Variants in NF1 observed in about 807,000 individuals in gnomAD.
The protein encoded by NF1 is neurofibromin 1.
In NF1, 122 loss-of-function variants were observed where a neutral mutation model predicts 325.7. The observed-to-expected ratio is 0.37, with a 90% confidence interval of 0.32 to 0.44. The LOEUF (loss-of-function observed/expected upper bound fraction) is 0.44. Ranked by LOEUF, NF1 falls within the 20% of genes least tolerant of loss-of-function variation. The probability of loss-of-function intolerance (pLI) is 1.00; values close to 1 mark genes in which losing one functional copy is unlikely to be tolerated. For missense variants in NF1, 2,140 were observed against 3,415.4 expected (o/e 0.63, Z 9.31); for synonymous variants, 1,091 against 1,186.0 (o/e 0.92, Z 1.65).
chr17:31,208,809 T>G (rs1289949026), intron 12 of NF1, among the ~76,000 whole-genome samples: 1 of 152,036 alleles, frequency 6.6e-6, no homozygotes, highest in African/African-American at 2.4e-5. Flanking sequence ...AAGAATCGCT[T>G]GAACCTGGGA....
At chr17:31,244,085 G>C (rs1304279878) in intron 29 of NF1, among the ~76,000 whole-genome samples, 1 of 152,042 alleles carries the variant, frequency 6.6e-6, no homozygotes, top group African/African-American at 2.4e-5. Context: ...TTTCCTTCTG[G>C]CCCAGGGTTT....
intron 5 of NF1, among the ~76,000 whole-genome samples, chr17:31,177,565 C>T (rs1399172015): frequency 6.6e-6 from 1 of 151,912 alleles, no homozygotes; most frequent in Non-Finnish European, 1.5e-5. Context: ...TAATAACAAA[C>T]TCCTCCAAGC....
chr17:31,152,998 C>T (rs968213056), intron 1 of NF1, among the ~76,000 whole-genome samples: 5 of 151,648 alleles, frequency 3.3e-5, no homozygotes, highest in Non-Finnish European at 7.4e-5. Flanking sequence ...AGAGCTTATT[C>T]TTTTTTTACT....
At chr17:31,249,254 G>A (rs749588036) in intron 30 of NF1, 135 bp downstream of exon 30, 24 of 1,036,792 alleles carry the variant, frequency 2.3e-5, no homozygotes, top group Non-Finnish European at 3.6e-5. Flanking sequence ...ATAATACATT[G>A]AGAATTGTTG....
chr17:31,286,949 T>C (rs1470959494), intron 36 of NF1, among the ~76,000 whole-genome samples: 1 of 152,254 alleles, frequency 6.6e-6, no homozygotes, highest in African/African-American at 2.4e-5. Flanking sequence ...GCATTCAGTA[T>C]GTTTCAACTG....
intron 36 of NF1, chr17:31,320,306 G>C: frequency 7.6e-7 from 1 of 1,316,992 alleles, no homozygotes; most frequent in Non-Finnish European, 1.0e-6. Flanking sequence ...GTATGCTATA[G>C]AAATTCTTCT....
chr17:31,130,446 G>A (rs1318423436), intron 1 of NF1, among the ~76,000 whole-genome samples: 1 of 152,228 alleles, frequency 6.6e-6, no homozygotes, highest in East Asian at 1.9e-4. Context: ...CAGCAACAGT[G>A]GCAGTAAGGC....
At chr17:31,191,152 A>G (rs1488949549) in intron 8 of NF1, among the ~76,000 whole-genome samples, 8 of 152,238 alleles carry the variant, frequency 5.3e-5, no homozygotes, top group Non-Finnish European at 8.8e-5. Flanking sequence ...GAATGATAAC[A>G]TAAGGTTAGG....
In NF1 at chr17:31,258,416, CCT is replaced by C. The variant is rs1351377493; in HGVS notation, c.4247_4248del (p.Pro1416ArgfsTer7). On this transcript the variant is annotated frameshift_variant, in exon 32 of 58. Transcript: ENST00000358273. LOFTEE classifies it high-confidence loss of function. ...GSAMFLRFINPAIVSPYEAGI... is the reference protein window; with the variant it reads ...GSAMFLRFINXAIVSPYEAGI... ...TGCCATGTTCCTCAGATTTATCAAT[CCT>C]GCCATTGTCTCACCGTATGAAGCAG... 1 of 1,613,900 alleles carries C rather than the reference CCT, an allele frequency of 6.2e-7. No individual in the cohort carries two copies. The highest frequency in any genetic ancestry group is 8.5e-7 in the Non-Finnish European group (1 of 1,179,938).
At chr17:31,302,486 A>G (rs1214452824) in intron 36 of NF1, among the ~76,000 whole-genome samples, 1 of 152,216 alleles carries the variant, frequency 6.6e-6, no homozygotes, top group Non-Finnish European at 1.5e-5. Context: ...AATTCGTAAA[A>G]TTAAAAAGAA....
rs202013595 is a variant in NF1 at position 31,239,324 on chromosome 17, GAAGA to G, written c.3974+3309_3974+3312del. 9.4e-3 allele frequency among the ~76,000 whole-genome samples: 1,437 copies of G among 152,314 alleles called. 21 individuals carry two copies. Among genetic ancestry groups the G allele is most frequent in the African/African-American group, 0.033 (1,353 of 41,566 alleles). ...GCTTATCAGTAGTCTGGGCACCACT[GAAGA>G]AAGAATTGGTGAATTTGTAGTTATA... On this transcript the variant is annotated intron_variant, in intron 29 of 57. Transcript: ENST00000358273.
At chr17:31,370,143 CTAAG>C (rs2070606410) in intron 57 of NF1, among the ~76,000 whole-genome samples, 1 of 151,812 alleles carries the variant, frequency 6.6e-6, no homozygotes, top group South Asian at 2.1e-4. Context: ...AGTTGGGTCA[CTAAG>C]TAGGAAGAAA....
At chr17:31,197,344 C>CTTTTTT (rs61619278) in intron 8 of NF1, among the ~76,000 whole-genome samples, 1 of 99,296 alleles carries the variant, frequency 1.0e-5, no homozygotes, top group East Asian at 2.7e-4. Flanking sequence ...CCGCGCCTGG[C>CTTTTTT]TTTTTTTTTT....
intron 57 of NF1, among the ~76,000 whole-genome samples, chr17:31,373,799 G>C (rs568489770): frequency 6.6e-6 from 1 of 152,264 alleles, no homozygotes; most frequent in Middle Eastern, 3.4e-3. Flanking sequence ...CAGGTTTGTT[G>C]CCTGGGAGAA....
intron 35 of NF1, among the ~76,000 whole-genome samples, chr17:31,263,198 T>C (rs1447889215): frequency 6.6e-6 from 1 of 152,148 alleles, no homozygotes; most frequent in Non-Finnish European, 1.5e-5. Flanking sequence ...CCCAGCATTT[T>C]GGGAGGCCAA....
chr17:31,338,582 T>C, intron 45 of NF1, 122 bp from the exon 46 acceptor site: 1 of 718,722 alleles, frequency 1.4e-6, no homozygotes, highest in Non-Finnish European at 2.5e-6. Context: ...CACCATAGCA[T>C]GAGAAATCAT....
rs759661081 is a variant in NF1, at chr17:31,356,592, A to G, written c.7738+10A>G. 2 of 1,613,562 alleles carry G rather than the reference A, an allele frequency of 1.2e-6. No individual in the cohort carries two copies. The highest frequency in any genetic ancestry group is 1.7e-6 in the Non-Finnish European group (2 of 1,179,642). ...ACTGATTATGAAATGGGTGAGAAAC[A>G]AAGTATTGATCTAGATCATTGAAAA... On this transcript the variant is annotated intron_variant, in intron 52 of 57. Transcript: ENST00000358273.
chr17:31,139,206 C>A lies in NF1; in HGVS notation c.61-16777C>A, dbSNP rs138126008. Among the ~76,000 whole-genome samples, 11 of 152,184 alleles carry A rather than the reference C, an allele frequency of 7.2e-5. No individual in the cohort carries two copies. The East Asian group carries it at 1.9e-3, about 27-fold the overall frequency. Reference sequence around the variant, plus strand: ...GGGATTACAGGCATGTGCCACCATGCGTGGCTAAATTTTGTATTTTTAGTA... The same window carrying A: ...GGGATTACAGGCATGTGCCACCATGAGTGGCTAAATTTTGTATTTTTAGTA... On this transcript the variant is annotated intron_variant, in intron 1 of 57. Transcript: ENST00000358273.
chr17:31,218,993 T>A lies in NF1; in HGVS notation c.1528-12T>A, dbSNP rs2143985261. The A allele has an allele frequency of 2.5e-6, 4 of 1,607,340 alleles. No individual in the cohort carries two copies. Among genetic ancestry groups the A allele is most frequent in the Middle Eastern group, 1.7e-4 (1 of 6,058 alleles). On this transcript the variant is annotated splice_polypyrimidine_tract_variant and intron_variant, in intron 13 of 57. Transcript: ENST00000358273. ...TATTTTTTTAATTGAAGTTTCCTTTTTTTCCTTGCAGAATCCAAGAAAACA... is the reference window on the plus strand; with the variant it reads ...TATTTTTTTAATTGAAGTTTCCTTTATTTCCTTGCAGAATCCAAGAAAACA...
Sources: allele counts gnomAD v4.1 joint callset (sites outside exome capture counted in the v4.1 genomes callset), GRCh38; gene constraint gnomAD v4.1.1; transcripts MANE v1.5; gene names NCBI Gene and HGNC (gene_info 2026-07-23, HGNC 2026-07-21).